Variants in MRI1 observed in about 807,000 individuals in gnomAD.
The protein encoded by MRI1 is methylthioribose-1-phosphate isomerase 1.
MRI1 carries 32 observed loss-of-function variants against 27.3 expected under a neutral mutation model. The observed-to-expected ratio is 1.17, with a 90% CI of 0.88 to 1.57. The LOEUF (loss-of-function observed/expected upper bound fraction) is 1.57. MRI1 is among the 40% of genes most tolerant of loss of function. The pLI is 0.00. For synonymous variants in MRI1, 216 were observed against 227.4 expected, an observed-to-expected ratio of 0.95 and a Z score of 0.45; for missense variants, 508 against 516.1, an observed-to-expected ratio of 0.98 and a Z score of 0.15.
chr19:13,766,320 C>T (rs536101571), intron 3 of MRI1, among the ~76,000 whole-genome samples, 191 bp downstream of exon 3: 82 of 152,344 alleles, frequency 5.4e-4, no homozygotes, highest in African/African-American at 2.0e-3. Flanking sequence ...GCATCAGGAC[C>T]TATCTATCTC....
chr19:13,767,810 A>G (rs1266450272), intron 3 of MRI1, among the ~76,000 whole-genome samples: 2 of 147,294 alleles, frequency 1.4e-5, no homozygotes, highest in Non-Finnish European at 3.0e-5. Context: ...GCTCCTTGCA[A>G]CCTCTGCCTC....
chr19:13,766,049 C>T lies in MRI1; in HGVS notation c.467C>T (p.Ala156Val), dbSNP rs140094235. 118 of 1,612,890 alleles carry T rather than the reference C, an allele frequency of 7.3e-5. 2 individuals carry two copies. The South Asian group carries it at 1.3e-3, about 17-fold the overall frequency. The part of the protein sequence containing the change: ...LGARHLLERV[A>V]PSGGKVTVLT... ...GCCCGCCACCTCCTGGAGCGGGTGG[C>T]CCCCAGCGGTGGCAAGGTGACTGTG... The change falls in exon 3 of 6, where the codon GCC becomes GTC. Residue 156 changes from alanine to valine, a missense_variant. Around this residue, in one of 3 missense-constraint regions of MRI1, gnomAD observed 457 missense variants for 452.8 expected, o/e 1.01. Coordinates refer to ENST00000040663, the MANE Select transcript of MRI1 (RefSeq NM_001031727.4).
chr19:13,765,353 TC>T (rs1974099023), intron 2 of MRI1, among the ~76,000 whole-genome samples: 2 of 152,138 alleles, frequency 1.3e-5, no homozygotes, highest in South Asian at 4.1e-4. Flanking sequence ...TAATCGTGCC[TC>T]CCCTGAATAC....
intron 3 of MRI1, 35 bp from the exon 4 acceptor site, chr19:13,768,526 C>T: frequency 6.3e-7 from 1 of 1,596,260 alleles, no homozygotes; most frequent in Non-Finnish European, 8.5e-7. Flanking sequence ...TTGCCCCTCC[C>T]CGGGGCCTTC....
intron 5 of MRI1, among the ~76,000 whole-genome samples, chr19:13,769,856 G>A (rs1343786634): frequency 6.6e-6 from 1 of 151,848 alleles, no homozygotes; most frequent in Non-Finnish European, 1.5e-5. Context: ...AGAGGCGGAG[G>A]TTGTGGTGAG....
Position 13,772,188 on chromosome 19 carries a change from A to G in MRI1, c.1017A>G (p.Thr339=). The change falls in exon 6 of 6, where the codon ACA becomes ACG. Residue 339 remains threonine (T), a synonymous_variant. Transcript: ENST00000040663. The part of the protein sequence containing the change: ...PHDLITGGII[T]ELGVFAPEEL... ...ACCTCATCACTGGTGGCATCATCAC[A>G]GAACTGGGGGTCTTTGCCCCTGAGG... is the stretch of plus-strand genomic sequence containing the variant. The G allele has an allele frequency of 4.3e-6, 7 of 1,614,116 alleles. No homozygotes were observed. Among genetic ancestry groups the G allele is most frequent in the Non-Finnish European group, 5.9e-6 (7 of 1,179,994 alleles).
At chr19:13,768,519 C>T (rs201544921) in intron 3 of MRI1, 42 bp from the exon 4 acceptor site, 5 of 1,593,544 alleles carry the variant, frequency 3.1e-6, no homozygotes, top group East Asian at 4.5e-5. Context: ...TGTCTGTTTG[C>T]CCCTCCCCGG....
Position 13,772,462 on chromosome 19 carries a change from C to T in MRI1, c.*181C>T, listed in dbSNP as rs977644502. 25 of 549,704 alleles carry T rather than the reference C, an allele frequency of 4.5e-5. No homozygotes were observed. The highest frequency in any genetic ancestry group is 1.4e-4 in the African/African-American group (7 of 51,842). The allele number at this position is 549,704 out of a possible 1,614,324, so 34.1% of individuals were successfully genotyped here. ...GCTGCCCAGATTCAAATCCTGACTC[C>T]GCCACTTTTCCCACTGTATGATCTT... On this transcript the variant is annotated 3_prime_UTR_variant, in exon 6 of 6. Coordinates refer to ENST00000040663, the MANE Select transcript of MRI1 (RefSeq NM_001031727.4).
rs1974297437 is a variant in MRI1 at position 13,772,806 on chromosome 19, C to T, written c.*525C>T. ...TAGCGCCACTGCACTCCAGCCTGGG[C>T]AACAGAGCGAGACTCCGTCTCAAAA... On this transcript the variant is annotated 3_prime_UTR_variant, in exon 6 of 6. Coordinates refer to ENST00000040663, the MANE Select transcript of MRI1 (RefSeq NM_001031727.4). 6.6e-6 allele frequency: 1 copy of T among 151,790 alleles called. No individual in the cohort carries two copies. The allele number at this position is 151,790 out of a possible 1,614,324, so 9.4% of individuals were successfully genotyped here. A position where few individuals can be genotyped will look rare whatever the true frequency, so the allele number is the denominator to read the frequency against.
Position 13,772,327 on chromosome 19 carries a change from T to C in MRI1, c.*46T>C. 1 of 1,570,170 alleles carries C rather than the reference T, an allele frequency of 6.4e-7. No homozygotes were observed. Among genetic ancestry groups the C allele is most frequent in the African/African-American group, 1.4e-5 (1 of 73,536 alleles). On this transcript the variant is annotated 3_prime_UTR_variant, in exon 6 of 6. Coordinates refer to ENST00000040663, the MANE Select transcript of MRI1 (RefSeq NM_001031727.4). The stretch of plus-strand genomic sequence containing the variant: ...CTGCCTCTCTAGGTTTTTCAATACA[T>C]TTCTTGAATGGCTACCCAAAAGCTG...
chr19:13,766,309 A>G (rs1432511616), intron 3 of MRI1, among the ~76,000 whole-genome samples, 180 bp downstream of exon 3: 1 of 152,248 alleles, frequency 6.6e-6, no homozygotes, highest in Non-Finnish European at 1.5e-5. Context: ...CTCAACCAGT[A>G]GCATCAGGAC....
chr19:13,771,969 C>G (rs1222511522), intron 5 of MRI1, 152 bp from the exon 6 acceptor site: 10 of 653,058 alleles, frequency 1.5e-5, no homozygotes, highest in African/African-American at 3.7e-5. Flanking sequence ...AGTACAATGT[C>G]CATGCCTGCA....
At position 13,769,618 on chromosome 19, in the gene MRI1, G is replaced by A. The variant is rs149230880; in HGVS notation, c.949+570G>A. Among the ~76,000 whole-genome samples the A allele has an allele frequency of 2.4e-3, 367 of 152,006 alleles. 3 individuals are homozygous for A. Among genetic ancestry groups the A allele is most frequent in the African/African-American group, 8.6e-3 (357 of 41,508 alleles). On this transcript the variant is annotated intron_variant, in intron 5 of 5. Transcript: ENST00000040663. ...AATAAGAATATCTGGCTGGCCACGT[G>A]TTTGTAAAGAAAAACCAAGACGGCC...
rs866529031 is a variant in MRI1, at chr19:13,768,961, C to T, written c.862C>T (p.Arg288Cys). The change falls in exon 5 of 6, where the codon CGT (arginine) becomes TGT (cysteine). Residue 288 changes from arginine (R) to cysteine (C), a missense_variant. This residue lies in a region of MRI1 where 457 missense variants were observed against 452.8 expected (regional missense o/e 1.01). Transcript: ENST00000040663. ...VAAPSSSCDL[R>C]LETGKEIIIE... The stretch of plus-strand genomic sequence containing the variant: ...TGCCCCCAGCTCTTCATGTGACCTC[C>T]GTCTGGAGACCGGCAAGGAGATCAT... 8 of 1,614,012 alleles carry T rather than the reference C, an allele frequency of 5.0e-6. No homozygotes were observed. Among genetic ancestry groups the T allele is most frequent in the East Asian group, 2.2e-5 (1 of 44,902 alleles).
Position 13,768,626 on chromosome 19 carries a change from T to G in MRI1, c.613T>G (p.Tyr205Asp). 1.2e-6 allele frequency: 2 copies of G among 1,613,468 alleles called. No homozygotes were observed. The highest frequency in any genetic ancestry group is 1.7e-6 in the Non-Finnish European group (2 of 1,179,860). ...EHAFCTETRP[Y>D]NQGARLTAFE... ...TGCCTTCTGCACAGAGACCCGGCCC[T>G]ACAACCAGGGAGCCCGGCTGACGGC... Residue 205 changes from tyrosine to aspartate, a missense_variant, in exon 4 of 6, where the codon TAC (tyrosine) becomes GAC (aspartate). Physicochemically the swap from Tyr to Asp is radical, Grantham distance 160. Coordinates refer to ENST00000040663, the MANE Select transcript of MRI1 (RefSeq NM_001031727.4).
Position 13,768,560 on chromosome 19 carries a change from G to T in MRI1, c.548-1G>T. The T allele has an allele frequency of 1.2e-6, 2 of 1,603,528 alleles. No individual in the cohort carries two copies. The highest frequency in any genetic ancestry group is 1.7e-6 in the Non-Finnish European group (2 of 1,175,486). On this transcript the variant is annotated splice_acceptor_variant, in intron 3 of 5. Transcript: ENST00000040663. LOFTEE classifies it high-confidence loss of function. ...TCTCCTGGTGGGTGGGGCCCCCGCA[G>T]GTGTGATTCGCTCACTGCACAGCCT... is the stretch of plus-strand genomic sequence containing the variant.
In MRI1 at chr19:13,772,971, A is replaced by G. The variant is rs1217806890; in HGVS notation, c.*690A>G. The G allele has an allele frequency of 6.6e-6, 1 of 151,752 alleles. No individual in the cohort carries two copies. Among genetic ancestry groups the G allele is most frequent in the African/African-American group, 2.4e-5 (1 of 41,348 alleles). 9.4% of individuals were successfully genotyped at this position (151,752 alleles called of 1,614,324 possible). ...TTTTAAGAGGACACCAAAAAAGCTC[A>G]GCAACCAAGATAAAAAATATTTTAA... On this transcript the variant is annotated 3_prime_UTR_variant, in exon 6 of 6. Transcript: ENST00000040663.
chr19:13,765,103 G>T lies in MRI1; in HGVS notation c.365G>T (p.Arg122Leu). ...EREGATEEAV[R>L]ERVICCTEDM... Reference sequence around the variant, plus strand: ...GAGGGCGCTACGGAAGAGGCGGTCCGGGAGAGGTACGGGGATCTGGTACCA... The same window carrying T: ...GAGGGCGCTACGGAAGAGGCGGTCCTGGAGAGGTACGGGGATCTGGTACCA... Residue 122 changes from arginine to leucine, a missense_variant, in exon 2 of 6, where the codon CGG becomes CTG. Coordinates refer to ENST00000040663, the MANE Select transcript of MRI1 (RefSeq NM_001031727.4). 1 of 1,532,062 alleles carries T rather than the reference G, an allele frequency of 6.5e-7. No homozygotes were observed. Among genetic ancestry groups the T allele is most frequent in the South Asian group, 1.2e-5 (1 of 83,176 alleles). 94.9% of individuals were successfully genotyped at this position (1,532,062 alleles called of 1,614,324 possible).
chr19:13,774,269 G>C lies in MRI1; in HGVS notation c.*1988G>C. 1 of 554,022 alleles carries C rather than the reference G, an allele frequency of 1.8e-6. No homozygotes were observed. Among genetic ancestry groups the C allele is most frequent in the Non-Finnish European group, 3.2e-6 (1 of 312,440 alleles). The allele number at this position is 554,022 out of a possible 1,614,324, so 34.3% of individuals were successfully genotyped here. ...ACACATAAGCTCTCAATAAACGTTA[G>C]CTTATCATTGTCACCGTTTTGTTCG... On this transcript the variant is annotated 3_prime_UTR_variant, in exon 6 of 6. Coordinates refer to ENST00000040663, the MANE Select transcript of MRI1 (RefSeq NM_001031727.4).
Sources: allele counts gnomAD v4.1 joint callset (sites outside exome capture counted in the v4.1 genomes callset), GRCh38; gene constraint gnomAD v4.1.1; regional missense constraint gnomAD v4.1.1; transcripts MANE v1.5; gene names NCBI Gene and HGNC (gene_info 2026-07-23, HGNC 2026-07-21).